RIMS1: variants seen among roughly 807,000 people sequenced by gnomAD.
RIMS1 encodes regulating synaptic membrane exocytosis 1.
A neutral mutation model predicts 214.1 loss-of-function variants in RIMS1; 83 were observed. The ratio of observed to expected loss-of-function variants is 0.39; its 90% CI spans 0.32 to 0.47. RIMS1 has a LOEUF of 0.47. Among genes scored for constraint, RIMS1 ranks in the 20% least tolerant of loss-of-function variants. The pLI is 0.99. For synonymous variants in RIMS1, 793 were observed against 786.8 expected (o/e 1.01, Z -0.13); for missense variants, 2,050 against 2,161.8 (o/e 0.95, Z 1.03).
chr6:72,360,133 A>C (rs1162787667), intron 29 of RIMS1, among the ~76,000 whole-genome samples: 1 of 152,164 alleles, frequency 6.6e-6, no homozygotes, highest in Admixed American at 6.5e-5. Context: ...TCAAACTGCC[A>C]AGCAGAGACT....
chr6:72,015,051 T>C (rs1337441287), intron 2 of RIMS1, among the ~76,000 whole-genome samples: 1 of 152,206 alleles, frequency 6.6e-6, no homozygotes, highest in Non-Finnish European at 1.5e-5. Flanking sequence ...TTTTGCATTT[T>C]TTTTTATTTT....
intron 24 of RIMS1, among the ~76,000 whole-genome samples, chr6:72,288,168 C>T (rs868818171): frequency 1.3e-5 from 2 of 152,032 alleles, no homozygotes; most frequent in South Asian, 4.2e-4. Flanking sequence ...GATCCTGCCT[C>T]TACCACATTT....
Position 72,292,183 on chromosome 6 carries a change from T to C in RIMS1, c.3850+137T>C, listed in dbSNP as rs2093489417. The C allele has an allele frequency of 6.6e-6, 4 of 604,846 alleles. No individual in the cohort carries two copies. In the Admixed American group the frequency reaches 1.3e-4, roughly 19 times the overall value. 37.5% of individuals were successfully genotyped at this position (604,846 alleles called of 1,614,324 possible). A position where few individuals can be genotyped will look rare whatever the true frequency, so the allele number is the denominator to read the frequency against. ...CCTAAAAATTTGATTTTCTTACAGTTTTATCCCCAACACCTAGTGACAGTG... is the reference window on the plus strand; with the variant it reads ...CCTAAAAATTTGATTTTCTTACAGTCTTATCCCCAACACCTAGTGACAGTG... On this transcript the variant is annotated intron_variant, in intron 26 of 33. Coordinates refer to ENST00000521978, the MANE Select transcript of RIMS1 (RefSeq NM_014989.7).
At chr6:72,174,324 G>A (rs1465142729) in intron 4 of RIMS1, among the ~76,000 whole-genome samples, 2 of 152,146 alleles carry the variant, frequency 1.3e-5, no homozygotes, top group East Asian at 1.9e-4. Context: ...GGGTTTGGGG[G>A]CATTATTAAG....
At chr6:72,022,037 A>G (rs1256000035) in intron 2 of RIMS1, among the ~76,000 whole-genome samples, 1 of 152,212 alleles carries the variant, frequency 6.6e-6, no homozygotes, top group Non-Finnish European at 1.5e-5. Context: ...TTATCTTGTT[A>G]TGAAAGAGAG....
At chr6:72,264,375 TA>T (rs765061242) in intron 19 of RIMS1, among the ~76,000 whole-genome samples, 2 of 152,280 alleles carry the variant, frequency 1.3e-5, no homozygotes, top group South Asian at 4.1e-4. Flanking sequence ...ATGCCTATCT[TA>T]CCCTACTTCC....
At chr6:72,237,774 T>G (rs778173873) in intron 8 of RIMS1, 49 bp from the exon 9 acceptor site, 3 of 1,284,438 alleles carry the variant, frequency 2.3e-6, no homozygotes, top group African/African-American at 2.9e-5. Flanking sequence ...ACTAATAAGC[T>G]TATGTTTTAG....
intron 29 of RIMS1, among the ~76,000 whole-genome samples, chr6:72,368,822 T>C (rs2098128020): frequency 6.6e-6 from 1 of 152,104 alleles, no homozygotes; most frequent in Non-Finnish European, 1.5e-5. Flanking sequence ...GAAAATAATA[T>C]AGGAGTTCAG....
In RIMS1 at chr6:71,886,815, G is replaced by A; in HGVS notation, c.-209G>A. 1.6e-6 allele frequency: 1 copy of A among 612,660 alleles called. No homozygotes were observed. Among genetic ancestry groups the A allele is most frequent in the Non-Finnish European group, 2.9e-6 (1 of 350,712 alleles). 38.0% of individuals were successfully genotyped at this position (612,660 alleles called of 1,614,324 possible). A position where few individuals can be genotyped will look rare whatever the true frequency, so the allele number is the denominator to read the frequency against. On this transcript the variant is annotated 5_prime_UTR_variant, in exon 1 of 34. Coordinates refer to ENST00000521978, the MANE Select transcript of RIMS1 (RefSeq NM_014989.7). ...CGACCAAAACAAAGGCAGCATCCGG[G>A]GCTGGGTGGATGCAAACAACCATGA...
In RIMS1 at chr6:72,016,983, C is replaced by T. The variant is rs547456090; in HGVS notation, c.245+47920C>T. ...GAGGAAATGGTAATGTGCTAATAGA[C>T]ATAACTAAAATATTTCATATTATTA... On this transcript the variant is annotated intron_variant, in intron 2 of 33. Transcript: ENST00000521978. Among the ~76,000 whole-genome samples the T allele has an allele frequency of 6.6e-5, 10 of 152,284 alleles. No individual in the cohort carries two copies. The South Asian group carries it at 2.1e-3, about 32-fold the overall frequency.
intron 29 of RIMS1, among the ~76,000 whole-genome samples, chr6:72,369,121 C>T (rs968977774): frequency 6.7e-6 from 1 of 149,574 alleles, no homozygotes; most frequent in African/African-American, 2.5e-5. Flanking sequence ...AGGAGAGAAC[C>T]AGTAAAATTT....
chr6:72,217,966 CT>C (rs2056894280), intron 6 of RIMS1, among the ~76,000 whole-genome samples: 1 of 152,060 alleles, frequency 6.6e-6, no homozygotes. Flanking sequence ...TCCTGTTATT[CT>C]CTGTAGGAAT....
chr6:72,326,657 G>T (rs1204268072), intron 28 of RIMS1, among the ~76,000 whole-genome samples: 1 of 151,736 alleles, frequency 6.6e-6, no homozygotes, highest in Non-Finnish European at 1.5e-5. Context: ...TTAGGAGAGA[G>T]ACTCCATACC....
intron 2 of RIMS1, among the ~76,000 whole-genome samples, chr6:72,022,480 A>G (rs1418761530): frequency 6.6e-6 from 1 of 152,216 alleles, no homozygotes; most frequent in Non-Finnish European, 1.5e-5. Context: ...GTACATTTAT[A>G]TTACATATTT....
intron 29 of RIMS1, among the ~76,000 whole-genome samples, chr6:72,367,857 CAAG>C (rs2098087359): frequency 6.6e-6 from 1 of 152,040 alleles, no homozygotes. Context: ...ATAGATTATC[CAAG>C]AAGAGTCATC....
chr6:72,089,467 A>G (rs1472025003), intron 2 of RIMS1, among the ~76,000 whole-genome samples: 2 of 152,044 alleles, frequency 1.3e-5, no homozygotes, highest in Admixed American at 6.6e-5. Context: ...TTTTTGTATT[A>G]GACAGGGTCT....
intron 2 of RIMS1, among the ~76,000 whole-genome samples, chr6:72,032,363 A>G (rs111535133): frequency 0.011 from 1,751 of 152,280 alleles, 9 homozygotes; most frequent in Non-Finnish European, 0.017. Context: ...AATAGACTTT[A>G]GCTTCCTGGA....
intron 1 of RIMS1, among the ~76,000 whole-genome samples, chr6:71,931,699 C>T (rs1291204523): frequency 2.0e-5 from 3 of 151,736 alleles, no homozygotes; most frequent in Non-Finnish European, 2.9e-5. Flanking sequence ...TGTAGTTTGT[C>T]TGTTTACTCT....
At chr6:72,102,912 A>G (rs1280028028) in intron 4 of RIMS1, among the ~76,000 whole-genome samples, 3 of 152,110 alleles carry the variant, frequency 2.0e-5, no homozygotes, top group African/African-American at 4.8e-5. Context: ...TCATGGCATG[A>G]TGAAGCATAT....
Sources: allele counts gnomAD v4.1 joint callset (sites outside exome capture counted in the v4.1 genomes callset), GRCh38; gene constraint gnomAD v4.1.1; transcripts MANE v1.5; gene names NCBI Gene and HGNC (gene_info 2026-07-23, HGNC 2026-07-21).